The following ANXA13 variants were observed in gnomAD, a reference collection of about 807,000 sequenced individuals.
ANXA13 encodes annexin XIII.
A neutral mutation model predicts 46.6 loss-of-function variants in ANXA13; 36 were observed. The ratio of observed to expected loss-of-function variants is 0.77; its 90% confidence interval spans 0.59 to 1.02. The LOEUF is 1.02. Ranked by LOEUF, ANXA13 falls within the 50% of genes least tolerant of loss-of-function variation. The pLI, the probability that ANXA13 is intolerant of heterozygous loss-of-function variation, is 0.00. For missense variants in ANXA13, 417 were observed against 396.5 expected, an observed-to-expected ratio of 1.05 and a Z score of -0.44; for synonymous variants, 163 against 152.9, an observed-to-expected ratio of 1.07 and a Z score of -0.49.
At chr8:123,682,474 C>G (rs111726258) in intron 10 of ANXA13, among the ~76,000 whole-genome samples, 548 of 152,314 alleles carry the variant, frequency 3.6e-3, no homozygotes, top group Middle Eastern at 0.014. Context: ...CCTTGTACTC[C>G]AGACCCAAAA....
chr8:123,695,906 G>A (rs950186788), intron 4 of ANXA13, among the ~76,000 whole-genome samples, 185 bp from the exon 5 acceptor site: 4 of 91,150 alleles, frequency 4.4e-5, no homozygotes, highest in Admixed American at 1.2e-4. Context: ...GTGACGGCCC[G>A]CCCCCCCCCC....
intron 2 of ANXA13, among the ~76,000 whole-genome samples, chr8:123,708,486 C>G (rs1813589578): frequency 2.0e-5 from 3 of 152,170 alleles, no homozygotes; most frequent in Admixed American, 2.0e-4. Flanking sequence ...GCTGCAGCCC[C>G]CGCTCTGGTG....
intron 1 of ANXA13, among the ~76,000 whole-genome samples, chr8:123,719,482 A>G (rs1162112322): frequency 6.6e-6 from 1 of 152,240 alleles, no homozygotes; most frequent in Non-Finnish European, 1.5e-5. Flanking sequence ...TAAACATGTA[A>G]ATGACACATG....
chr8:123,687,896 C>T (rs1179691534), intron 9 of ANXA13, among the ~76,000 whole-genome samples: 1 of 152,232 alleles, frequency 6.6e-6, no homozygotes, highest in Non-Finnish European at 1.5e-5. Flanking sequence ...TTGGGCAACA[C>T]CTGGAGAGGA....
chr8:123,682,638 G>C (rs1226862832), intron 10 of ANXA13, among the ~76,000 whole-genome samples: 1 of 152,108 alleles, frequency 6.6e-6, no homozygotes, highest in Non-Finnish European at 1.5e-5. Flanking sequence ...CAGGAGACAG[G>C]TGGTGTCTGT....
chr8:123,688,921 G>T lies in ANXA13; in HGVS notation c.668C>A (p.Ala223Asp). Reference sequence around the variant, plus strand: ...GTCGCCTGATGTTTCTTCTTCAATGGCTTCTTCTATGTCTTTGCCAATGAG... The same window carrying T: ...GTCGCCTGATGTTTCTTCTTCAATGTCTTCTTCTATGTCTTTGCCAATGAG... The part of the protein sequence containing the change: ...QILIGKDIEE[A>D]IEEETSGDLQ... Residue 223 changes from alanine to aspartate, a missense_variant, in exon 9 of 11, where the codon GCC becomes GAC. Ala to Asp is a moderately radical substitution (Grantham distance 126, BLOSUM62 -2). Coordinates refer to ENST00000419625, the MANE Select transcript of ANXA13 (RefSeq NM_004306.4). The T allele has an allele frequency of 6.2e-7, 1 of 1,613,688 alleles. No individual in the cohort carries two copies. The highest frequency in any genetic ancestry group is 8.5e-7 in the Non-Finnish European group (1 of 1,179,796).
intron 1 of ANXA13, among the ~76,000 whole-genome samples, chr8:123,725,129 A>G (rs1351565579): frequency 6.6e-6 from 1 of 152,220 alleles, no homozygotes; most frequent in Non-Finnish European, 1.5e-5. Flanking sequence ...AGTTATCTAT[A>G]TTTATGTCAA....
chr8:123,729,903 A>G (rs930189489), intron 1 of ANXA13, among the ~76,000 whole-genome samples: 1 of 152,234 alleles, frequency 6.6e-6, no homozygotes, highest in Non-Finnish European at 1.5e-5. Flanking sequence ...CAAACTCTAT[A>G]GATCCCCAAA....
intron 1 of ANXA13, among the ~76,000 whole-genome samples, chr8:123,733,984 A>G (rs1814191545): frequency 6.6e-6 from 1 of 152,188 alleles, no homozygotes; most frequent in Admixed American, 6.5e-5. Context: ...GATTCAATAG[A>G]TCTGAGTGGG....
intron 2 of ANXA13, among the ~76,000 whole-genome samples, chr8:123,703,110 T>C (rs1234743311): frequency 1.3e-5 from 2 of 152,194 alleles, no homozygotes; most frequent in African/African-American, 4.8e-5. Flanking sequence ...AGCCCCAGTG[T>C]TCATCACCTG....
At chr8:123,684,007 AT>A (rs1307186866) in intron 10 of ANXA13, among the ~76,000 whole-genome samples, 1 of 152,100 alleles carries the variant, frequency 6.6e-6, no homozygotes, top group Non-Finnish European at 1.5e-5. Context: ...AAAGCCCTTA[AT>A]TTTTTTATGT....
intron 2 of ANXA13, among the ~76,000 whole-genome samples, chr8:123,705,849 T>C (rs1003241128): frequency 6.6e-6 from 1 of 152,126 alleles, no homozygotes. Context: ...AAGGGAGCCC[T>C]GGCAAAAAAA....
intron 1 of ANXA13, among the ~76,000 whole-genome samples, chr8:123,720,697 T>TGTGA (rs1813849157): frequency 6.8e-6 from 1 of 147,618 alleles, no homozygotes; most frequent in Admixed American, 6.7e-5. Context: ...TGTGTGTGTG[T>TGTGA]GAGTTAAGAA....
Position 123,693,705 on chromosome 8 carries a change from ACATACAT to A in ANXA13, c.539_540+5del. The stretch of plus-strand genomic sequence containing the variant: ...TTTGCAGAGACTGGCATGTCTGCAC[ACATACAT>A]CATACAGATCTTTGGCATCCTGACC... On this transcript the variant is annotated splice_donor_variant and splice_donor_5th_base_variant and coding_sequence_variant and intron_variant, in exon 7 of 11. Transcript: ENST00000419625. LOFTEE classifies it high-confidence loss of function. The A allele has an allele frequency of 6.2e-7, 1 of 1,611,556 alleles. No individual in the cohort carries two copies. The highest frequency in any genetic ancestry group is 8.5e-7 in the Non-Finnish European group (1 of 1,178,322).
Position 123,712,684 on chromosome 8 carries a change from C to T in ANXA13, c.85G>A (p.Gly29Arg). 2 of 1,614,136 alleles carry T rather than the reference C, an allele frequency of 1.2e-6. No homozygotes were observed. The highest frequency in any genetic ancestry group is 8.5e-7 in the Non-Finnish European group (1 of 1,179,982). ...AACAAAATATCTCTCATACCCATTCCTTTGCAGGCTTTGTTCAGCTTTTTG... is the reference window on the plus strand; with the variant it reads ...AACAAAATATCTCTCATACCCATTCTTTTGCAGGCTTTGTTCAGCTTTTTG... ...DAKKLNKACK[G>R]MGTNEAAIIE... The change falls in exon 2 of 11, where the codon GGA becomes AGA. Residue 29 changes from glycine to arginine, a missense_variant. Coordinates refer to ENST00000419625, the MANE Select transcript of ANXA13 (RefSeq NM_004306.4).
intron 1 of ANXA13, among the ~76,000 whole-genome samples, chr8:123,729,851 C>A (rs1292581256): frequency 1.3e-5 from 2 of 151,630 alleles, no homozygotes; most frequent in Admixed American, 6.6e-5. Flanking sequence ...GTCCAACAAA[C>A]AAACAAAAAC....
intron 6 of ANXA13, 104 bp from the exon 7 acceptor site, chr8:123,693,883 CAGCT>C: frequency 8.8e-6 from 9 of 1,019,892 alleles, no homozygotes; most frequent in Non-Finnish European, 1.4e-5. Context: ...AATTCTTTCT[CAGCT>C]CAGCTCAGTT....
chr8:123,691,979 G>A (rs1207799684), intron 8 of ANXA13, among the ~76,000 whole-genome samples: 2 of 152,152 alleles, frequency 1.3e-5, no homozygotes, highest in Non-Finnish European at 2.9e-5. Context: ...CAGAGGCTAC[G>A]CAGCTCCAGG....
At chr8:123,737,294 A>G in intron 1 of ANXA13, 26 bp downstream of exon 1, 1 of 1,605,764 alleles carries the variant, frequency 6.2e-7, no homozygotes, top group Non-Finnish European at 8.5e-7. Context: ...AATTAAAACC[A>G]ATTCCCAAAG....
Sources: gnomAD v4.1 joint callset for allele counts (sites outside exome capture counted in the v4.1 genomes callset) on GRCh38, gnomAD v4.1.1 for gene constraint, MANE v1.5 for transcripts, NCBI Gene and HGNC (gene_info 2026-07-23, HGNC 2026-07-21) for gene names.